The following DSE variants were observed in gnomAD, a reference collection of about 807,000 sequenced individuals.
DSE encodes the protein dermatan-sulfate epimerase.
DSE carries 36 observed loss-of-function variants against 84.4 expected under a neutral mutation model. That is an observed-to-expected ratio of 0.43 (90% CI 0.33 to 0.56). DSE has a LOEUF of 0.56. Among genes scored for constraint, DSE ranks in the 20% least tolerant of loss-of-function variants. The probability of loss-of-function intolerance (pLI) is 0.06; values close to 1 mark genes in which losing one functional copy is unlikely to be tolerated. For synonymous variants in DSE, 410 were observed against 430.1 expected, an observed-to-expected ratio of 0.95 and a Z score of 0.58; for missense variants, 862 against 1,169.6, an observed-to-expected ratio of 0.74 and a Z score of 3.84.
At chr6:116,392,175 T>C (rs555980025) in intron 1 of DSE, among the ~76,000 whole-genome samples, 1 of 152,320 alleles carries the variant, frequency 6.6e-6, no homozygotes, top group Non-Finnish European at 1.5e-5. Flanking sequence ...AATCCTAAAA[T>C]GGATCAGAGA....
chr6:116,420,240 G>A (rs1247630268), intron 2 of DSE, among the ~76,000 whole-genome samples: 3 of 152,116 alleles, frequency 2.0e-5, no homozygotes, highest in African/African-American at 7.2e-5. Context: ...AAATTAAATA[G>A]ACAGTTGCTA....
chr6:116,357,087 A>G (rs1434389699), intron 2 of DSE, among the ~76,000 whole-genome samples: 2 of 152,142 alleles, frequency 1.3e-5, no homozygotes. Context: ...TGTGACATTC[A>G]CTAATAATAT....
intron 2 of DSE, among the ~76,000 whole-genome samples, chr6:116,334,830 A>G (rs929030346): frequency 6.6e-6 from 1 of 152,226 alleles, no homozygotes; most frequent in Non-Finnish European, 1.5e-5. Context: ...ATGCAAATCA[A>G]AACCACAGGA....
At chr6:116,336,687 G>A (rs1777270979) in intron 2 of DSE, among the ~76,000 whole-genome samples, 1 of 151,384 alleles carries the variant, frequency 6.6e-6, no homozygotes. Flanking sequence ...CCTGGGAGGC[G>A]GAGGTTGCAA....
intron 2 of DSE, among the ~76,000 whole-genome samples, chr6:116,311,535 A>G (rs1331546926): frequency 1.3e-5 from 2 of 152,236 alleles, no homozygotes; most frequent in Non-Finnish European, 1.5e-5. Context: ...CATGTCTTCA[A>G]TAGAGGACTA....
intron 2 of DSE, among the ~76,000 whole-genome samples, chr6:116,315,744 G>A (rs12213442): frequency 0.24 from 36,036 of 152,186 alleles, 5,660 homozygotes; most frequent in Non-Finnish European, 0.36. Context: ...GCTCACGCCT[G>A]TAATCCCAGC....
chr6:116,396,159 A>T (rs1361943168), intron 1 of DSE, among the ~76,000 whole-genome samples: 1 of 152,220 alleles, frequency 6.6e-6, no homozygotes, highest in Non-Finnish European at 1.5e-5. Context: ...GATTTGGTTC[A>T]GCACAGCCAG....
At chr6:116,405,236 G>A (rs1781846232) in intron 2 of DSE, among the ~76,000 whole-genome samples, 1 of 152,034 alleles carries the variant, frequency 6.6e-6, no homozygotes, top group African/African-American at 2.4e-5. Context: ...GCTGTTTCTC[G>A]GGTTTTTCAC....
chr6:116,268,947 T>A (rs962397552), intron 2 of DSE, among the ~76,000 whole-genome samples: 1 of 151,898 alleles, frequency 6.6e-6, no homozygotes, highest in African/African-American at 2.4e-5. Flanking sequence ...TTATTTAGGC[T>A]ATCACTGTTA....
chr6:116,282,933 C>T (rs971263419), intron 2 of DSE, among the ~76,000 whole-genome samples: 2 of 152,176 alleles, frequency 1.3e-5, no homozygotes, highest in Non-Finnish European at 2.9e-5. Flanking sequence ...TTTTGCCATA[C>T]AGGCAAAGCT....
At chr6:116,259,825 C>CT (rs1292398199) in intron 2 of DSE, among the ~76,000 whole-genome samples, 1 of 152,164 alleles carries the variant, frequency 6.6e-6, no homozygotes, top group Non-Finnish European at 1.5e-5. Context: ...TGATCTCATT[C>CT]TTTTTTATGG....
rs1249864772 is a variant in DSE, at chr6:116,439,039, C to T, written c.*1694C>T. The T allele has an allele frequency of 6.6e-6, 1 of 152,174 alleles. No individual in the cohort carries two copies. The highest frequency in any genetic ancestry group is 1.5e-5 in the Non-Finnish European group (1 of 68,024). The allele number at this position is 152,174 out of a possible 1,614,324, so 9.4% of individuals were successfully genotyped here. ...AAGAATAATGCTTCCGTTTGTCCTGCATGGATGCTCTTACTAGGATTTAAA... is the reference window on the plus strand; with the variant it reads ...AAGAATAATGCTTCCGTTTGTCCTGTATGGATGCTCTTACTAGGATTTAAA... On this transcript the variant is annotated 3_prime_UTR_variant, in exon 6 of 6. Transcript: ENST00000644252.
chr6:116,351,577 A>C (rs1312021546), intron 2 of DSE, among the ~76,000 whole-genome samples: 1 of 152,094 alleles, frequency 6.6e-6, no homozygotes, highest in African/African-American at 2.4e-5. Context: ...AATAACTATT[A>C]TTTTTACCTC....
At chr6:116,324,784 C>T (rs778231759) in intron 2 of DSE, among the ~76,000 whole-genome samples, 134 of 152,314 alleles carry the variant, frequency 8.8e-4, no homozygotes, top group Admixed American at 1.4e-3. Context: ...GTTCACTGCA[C>T]TTCTCTGTTC....
Position 116,387,079 on chromosome 6 carries a change from G to A in DSE, c.-53-12119G>A, listed in dbSNP as rs192143205. 3.9e-5 allele frequency among the ~76,000 whole-genome samples: 6 copies of A among 152,244 alleles called. No homozygotes were observed. In the East Asian group the frequency reaches 5.8e-4, roughly 15 times the overall value. On this transcript the variant is annotated intron_variant, in intron 1 of 5. Coordinates refer to ENST00000644252, the MANE Select transcript of DSE (RefSeq NM_013352.4). ...GTTAGTAGTACTTTTTTTGTGGGGC[G>A]CTTCCCCTGAAAATCTGTAATCAGT...
chr6:116,302,570 A>G (rs1775102658), intron 2 of DSE, among the ~76,000 whole-genome samples: 2 of 151,694 alleles, frequency 1.3e-5, no homozygotes, highest in South Asian at 2.1e-4. Context: ...GATTGCAAAC[A>G]TTTTCTCTCA....
At chr6:116,357,260 C>T (rs1022966207) in intron 2 of DSE, among the ~76,000 whole-genome samples, 7 of 152,146 alleles carry the variant, frequency 4.6e-5, no homozygotes, top group Admixed American at 2.6e-4. Context: ...CAGCCGGGCA[C>T]GGTGGCTCAA....
intron 2 of DSE, among the ~76,000 whole-genome samples, chr6:116,415,397 T>G (rs76732573): frequency 0.011 from 1,724 of 152,314 alleles, 44 homozygotes; most frequent in African/African-American, 0.038. Flanking sequence ...GTTTTGAAAT[T>G]ACGGGATGAT....
At chr6:116,319,640 C>G (rs1361455767) in intron 2 of DSE, among the ~76,000 whole-genome samples, 2 of 152,198 alleles carry the variant, frequency 1.3e-5, no homozygotes, top group African/African-American at 2.4e-5. Context: ...TGGTCATATC[C>G]TGGTCTTACT....
Sources: allele counts gnomAD v4.1 joint callset (sites outside exome capture counted in the v4.1 genomes callset), GRCh38; gene constraint gnomAD v4.1.1; transcripts MANE v1.5; gene names NCBI Gene and HGNC (gene_info 2026-07-23, HGNC 2026-07-21).